The following MDGA2 variants were observed in gnomAD, a reference collection of about 807,000 sequenced individuals.
The protein encoded by MDGA2 is MAM domain-containing glycosylphosphatidylinositol anchor protein 2.
A neutral mutation model predicts 117.8 loss-of-function variants in MDGA2; 40 were observed. The observed-to-expected ratio is 0.34, with a 90% confidence interval of 0.26 to 0.44. MDGA2 has a LOEUF of 0.44. Ranked by LOEUF, MDGA2 falls within the 20% of genes least tolerant of loss-of-function variation. The pLI, the probability that MDGA2 is intolerant of heterozygous loss-of-function variation, is 1.00. For missense variants in MDGA2, 1,123 were observed against 1,250.6 expected (o/e 0.90, Z 1.54); for synonymous variants, 452 against 439.0 (o/e 1.03, Z -0.37).
At chr14:46,909,674 T>G (rs1449348666) in intron 10 of MDGA2, among the ~76,000 whole-genome samples, 1 of 152,144 alleles carries the variant, frequency 6.6e-6, no homozygotes, top group Non-Finnish European at 1.5e-5. Flanking sequence ...TACATCTAAA[T>G]TGAAACTATT....
chr14:47,378,498 T>C (rs1891532472), intron 1 of MDGA2, among the ~76,000 whole-genome samples: 1 of 152,086 alleles, frequency 6.6e-6, no homozygotes, highest in African/African-American at 2.4e-5. Context: ...CTAACTAGAA[T>C]AAACAGTATA....
chr14:47,606,557 T>C (rs910349386), intron 1 of MDGA2, among the ~76,000 whole-genome samples: 4 of 152,154 alleles, frequency 2.6e-5, no homozygotes, highest in Non-Finnish European at 5.9e-5. Context: ...TGTGTAGCAA[T>C]CTTGGAATCA....
intron 1 of MDGA2, among the ~76,000 whole-genome samples, chr14:47,572,735 T>C (rs1896043598): frequency 6.6e-6 from 1 of 152,138 alleles, no homozygotes; most frequent in Non-Finnish European, 1.5e-5. Context: ...GACTTAGGAA[T>C]ACAGACCTCA....
At chr14:47,005,830 T>C (rs1887689326) in intron 8 of MDGA2, among the ~76,000 whole-genome samples, 1 of 151,688 alleles carries the variant, frequency 6.6e-6, no homozygotes. Flanking sequence ...TTTATTTGTA[T>C]ACTTAAACAT....
At chr14:47,105,759 G>T (rs577694833) in intron 5 of MDGA2, among the ~76,000 whole-genome samples, 24 of 150,526 alleles carry the variant, frequency 1.6e-4, no homozygotes, top group South Asian at 6.3e-4. Context: ...TTTCCCTCCC[G>T]CCTGTCCCCT....
chr14:46,982,674 A>G (rs867927369), intron 8 of MDGA2, among the ~76,000 whole-genome samples: 1 of 125,494 alleles, frequency 8.0e-6, no homozygotes. Flanking sequence ...ACGCCACTGC[A>G]CTCCAGCCTG....
intron 8 of MDGA2, among the ~76,000 whole-genome samples, chr14:47,006,445 T>C (rs1291134167): frequency 6.8e-6 from 1 of 147,602 alleles, no homozygotes; most frequent in Admixed American, 6.8e-5. Context: ...GTTTTAATTA[T>C]AATTATAATT....
intron 2 of MDGA2, among the ~76,000 whole-genome samples, chr14:47,271,870 T>A (rs1888155159): frequency 6.6e-6 from 1 of 152,150 alleles, no homozygotes; most frequent in Non-Finnish European, 1.5e-5. Context: ...AGAAAAACTG[T>A]TTTAATCTAG....
chr14:46,989,179 C>T (rs1365613241), intron 8 of MDGA2, among the ~76,000 whole-genome samples: 5 of 152,048 alleles, frequency 3.3e-5, no homozygotes, highest in African/African-American at 4.8e-5. Flanking sequence ...CAAACTTCCA[C>T]TTTCTGTGTC....
chr14:46,981,672 G>A (rs945272480), intron 8 of MDGA2, among the ~76,000 whole-genome samples: 7 of 152,160 alleles, frequency 4.6e-5, no homozygotes, highest in Admixed American at 6.5e-5. Context: ...CAAGAAGAGC[G>A]CATCACTGTA....
intron 6 of MDGA2, 53 bp downstream of exon 6, chr14:47,096,801 T>C (rs915638506): frequency 6.3e-7 from 1 of 1,578,294 alleles, no homozygotes; most frequent in Non-Finnish European, 8.7e-7. Flanking sequence ...TTATTTGCTT[T>C]TTGAGAGCCT....
chr14:47,508,963 T>C (rs1894580662), intron 1 of MDGA2, among the ~76,000 whole-genome samples: 1 of 152,172 alleles, frequency 6.6e-6, no homozygotes, highest in Non-Finnish European at 1.5e-5. Context: ...GTGCTGGGAT[T>C]ACAGGCGTGA....
chr14:47,262,876 A>G (rs1382701289), intron 2 of MDGA2, among the ~76,000 whole-genome samples: 1 of 152,166 alleles, frequency 6.6e-6, no homozygotes, highest in African/African-American at 2.4e-5. Context: ...TAACAAGGAA[A>G]AAATGTCATA....
At chr14:47,117,787 T>A (rs956801910) in intron 5 of MDGA2, among the ~76,000 whole-genome samples, 3 of 152,084 alleles carry the variant, frequency 2.0e-5, no homozygotes, top group Non-Finnish European at 4.4e-5. Context: ...TCAACAGGCA[T>A]AAAGTTTAAG....
chr14:47,615,099 G>T (rs1020291996), intron 1 of MDGA2, among the ~76,000 whole-genome samples: 2 of 150,318 alleles, frequency 1.3e-5, no homozygotes, highest in African/African-American at 2.5e-5. Flanking sequence ...TCATATTCCT[G>T]ATGTGGTATT....
intron 9 of MDGA2, among the ~76,000 whole-genome samples, chr14:46,941,103 G>C (rs1595058936): frequency 6.6e-6 from 1 of 152,174 alleles, no homozygotes; most frequent in East Asian, 1.9e-4. Flanking sequence ...ACAAATAACT[G>C]CTCTTATCAC....
At chr14:47,215,790 G>A (rs1024700224) in intron 3 of MDGA2, among the ~76,000 whole-genome samples, 6 of 152,088 alleles carry the variant, frequency 3.9e-5, no homozygotes, top group African/African-American at 1.2e-4. Flanking sequence ...ATTGTAGACA[G>A]CTTGTTAATA....
intron 1 of MDGA2, among the ~76,000 whole-genome samples, chr14:47,406,165 C>T (rs934179464): frequency 6.6e-6 from 1 of 151,958 alleles, no homozygotes; most frequent in Non-Finnish European, 1.5e-5. Context: ...GGTAGACGTG[C>T]AAATTAGATT....
At chr14:47,016,137 C>A (rs934049899) in intron 8 of MDGA2, among the ~76,000 whole-genome samples, 18 of 152,024 alleles carry the variant, frequency 1.2e-4, no homozygotes, top group Non-Finnish European at 2.2e-4. Flanking sequence ...AAAGAGTCTG[C>A]AAGCTGTCCT....
Sources: allele counts gnomAD v4.1 joint callset (sites outside exome capture counted in the v4.1 genomes callset), GRCh38; gene constraint gnomAD v4.1.1; transcripts MANE v1.5; gene names NCBI Gene and HGNC (gene_info 2026-07-23, HGNC 2026-07-21).